Variants in DCC observed in about 807,000 individuals in gnomAD.
DCC encodes the protein netrin receptor DCC.
In DCC, 58 loss-of-function variants were observed where a neutral mutation model predicts 172.5. The ratio of observed to expected loss-of-function variants is 0.34; its 90% confidence interval spans 0.27 to 0.42. The LOEUF (loss-of-function observed/expected upper bound fraction) is 0.42, where lower values mean the gene tolerates loss of function less well. DCC is among the 10% of genes least tolerant of loss of function. DCC has a pLI of 1.00. For missense variants in DCC, 1,740 were observed against 1,791.0 expected, an observed-to-expected ratio of 0.97 and a Z score of 0.51; for synonymous variants, 709 against 644.5, an observed-to-expected ratio of 1.10 and a Z score of -1.52.
At position 53,428,116 on chromosome 18, in the gene DCC, TATATA is replaced by T. The variant is rs1398788374; in HGVS notation, c.3164-7022_3164-7018del. Among the ~76,000 whole-genome samples, 10 of 30,608 alleles carry T rather than the reference TATATA, an allele frequency of 3.3e-4. 3 individuals carry two copies. Among genetic ancestry groups the T allele is most frequent in the African/African-American group, 6.8e-4 (4 of 5,864 alleles). 20.1% of individuals were successfully genotyped at this position (30,608 alleles called of 152,430 possible). A position where few individuals can be genotyped will look rare whatever the true frequency, so the allele number is the denominator to read the frequency against. On this transcript the variant is annotated intron_variant, in intron 21 of 28. Coordinates refer to ENST00000442544, the MANE Select transcript of DCC (RefSeq NM_005215.4). ...TATAATATATAATATAATATAATAA[TATATA>T]ATATATAATATAATATAATAATATA...
At chr18:52,722,776 C>A (rs529168844) in intron 1 of DCC, among the ~76,000 whole-genome samples, 4 of 152,260 alleles carry the variant, frequency 2.6e-5, no homozygotes, top group South Asian at 4.1e-4. Flanking sequence ...CTTTCACCAC[C>A]ATTTTGAGGA....
intron 3 of DCC, 42 bp from the exon 4 acceptor site, chr18:52,923,665 T>TG: frequency 6.9e-7 from 1 of 1,444,112 alleles, no homozygotes. Flanking sequence ...ATCTTTGCAA[T>TG]GTTTTTCATA....
chr18:52,674,608 A>G (rs1182545620), intron 1 of DCC, among the ~76,000 whole-genome samples: 5 of 152,358 alleles, frequency 3.3e-5, no homozygotes, highest in African/African-American at 4.8e-5. Context: ...ATATGGAGTG[A>G]ATACCAAAAA....
intron 1 of DCC, among the ~76,000 whole-genome samples, chr18:52,751,747 G>A (rs181869062): frequency 5.5e-4 from 84 of 152,132 alleles, no homozygotes; most frequent in African/African-American, 1.9e-3. Context: ...GAAAATATTA[G>A]TTTTTTCTGT....
At chr18:52,497,363 A>T (rs1432593340) in intron 1 of DCC, among the ~76,000 whole-genome samples, 1 of 116,936 alleles carries the variant, frequency 8.6e-6, no homozygotes, top group African/African-American at 3.4e-5. Context: ...ATACACACAT[A>T]TACATATGTG....
At chr18:53,223,411 C>T (rs1176304796) in intron 12 of DCC, among the ~76,000 whole-genome samples, 1 of 152,086 alleles carries the variant, frequency 6.6e-6, no homozygotes. Context: ...TCATCACACA[C>T]ATTTCTAATG....
At chr18:52,524,575 G>A (rs1310745994) in intron 1 of DCC, among the ~76,000 whole-genome samples, 4 of 152,092 alleles carry the variant, frequency 2.6e-5, no homozygotes, top group Admixed American at 6.5e-5. Context: ...TTTGTAGAGC[G>A]GTTTTAGCTA....
intron 1 of DCC, among the ~76,000 whole-genome samples, chr18:52,492,985 T>A (rs1322551875): frequency 6.6e-6 from 1 of 152,126 alleles, no homozygotes; most frequent in Non-Finnish European, 1.5e-5. Context: ...GCTCATTTGC[T>A]GCCTATCCAG....
At chr18:53,140,764 G>A (rs556405265) in intron 7 of DCC, among the ~76,000 whole-genome samples, 1 of 152,142 alleles carries the variant, frequency 6.6e-6, no homozygotes, top group South Asian at 2.1e-4. Flanking sequence ...AATATAGGAG[G>A]TTTGAGTGAT....
In DCC at chr18:53,517,624, G is replaced by T. The variant is rs569633911; in HGVS notation, c.4112-8993G>T. On this transcript the variant is annotated intron_variant, in intron 27 of 28. Transcript: ENST00000442544. The stretch of plus-strand genomic sequence containing the variant: ...AAAGCCACGTTACTTGTGACTCAGA[G>T]TAGCCCTTTCTTACAATGGGAGGAG... 1.1e-4 allele frequency among the ~76,000 whole-genome samples: 16 copies of T among 152,152 alleles called. No homozygotes were observed. In the South Asian group the frequency reaches 1.5e-3, roughly 14 times the overall value.
chr18:53,167,218 T>C (rs780092886), intron 8 of DCC, among the ~76,000 whole-genome samples: 13 of 152,192 alleles, frequency 8.5e-5, no homozygotes, highest in Non-Finnish European at 1.3e-4. Flanking sequence ...CAAGATGATA[T>C]GTATTTACTA....
At position 53,217,181 on chromosome 18, in the gene DCC, C is replaced by A. The variant is rs536426744; in HGVS notation, c.1911+1584C>A. Among the ~76,000 whole-genome samples the A allele has an allele frequency of 2.6e-5, 4 of 151,806 alleles. No homozygotes were observed. The South Asian group carries it at 8.3e-4, about 32-fold the overall frequency. ...GTGTATAGGGCATTACTGAATGACC[C>A]TGGATGCTAACTGTATTTGAATATG... On this transcript the variant is annotated intron_variant, in intron 12 of 28. Coordinates refer to ENST00000442544, the MANE Select transcript of DCC (RefSeq NM_005215.4).
intron 12 of DCC, among the ~76,000 whole-genome samples, chr18:53,242,676 G>A (rs1369461209): frequency 7.2e-5 from 11 of 152,144 alleles, no homozygotes. Flanking sequence ...ATGACAACCT[G>A]TTGTTGGCAT....
At chr18:52,564,421 C>T (rs374673570) in intron 1 of DCC, among the ~76,000 whole-genome samples, 3 of 152,028 alleles carry the variant, frequency 2.0e-5, no homozygotes, top group Non-Finnish European at 4.4e-5. Flanking sequence ...TAATAGTCAT[C>T]GTGTTTTCCT....
At position 53,382,069 on chromosome 18, in the gene DCC, AACACACACACACACAC is replaced by A. The variant is rs61553123; in HGVS notation, c.2360-3953_2360-3938del. On this transcript the variant is annotated intron_variant, in intron 15 of 28. Transcript: ENST00000442544. Reference sequence around the variant, plus strand: ...TTTCTCTCTCTCTCTGATTAAAAACAACACACACACACACACACACACACACACACACACACCCCTA... The same window carrying A: ...TTTCTCTCTCTCTCTGATTAAAAACAACACACACACACACACACACCCCTA... Among the ~76,000 whole-genome samples the A allele has an allele frequency of 4.9e-5, 6 of 122,856 alleles. No homozygotes were observed. In the South Asian group the frequency reaches 1.0e-3, roughly 21 times the overall value. 80.6% of individuals were successfully genotyped at this position (122,856 alleles called of 152,430 possible).
At chr18:52,689,667 A>T (rs1472298639) in intron 1 of DCC, among the ~76,000 whole-genome samples, 1 of 152,152 alleles carries the variant, frequency 6.6e-6, no homozygotes, top group Non-Finnish European at 1.5e-5. Flanking sequence ...AGTAGGAAAT[A>T]GAAAATGCAA....
chr18:52,928,114 G>A (rs2040247847), intron 5 of DCC, among the ~76,000 whole-genome samples: 1 of 152,136 alleles, frequency 6.6e-6, no homozygotes, highest in Non-Finnish European at 1.5e-5. Context: ...GGCCTTTGCT[G>A]CAACATGGAT....
At chr18:52,868,039 A>G (rs576113172) in intron 2 of DCC, among the ~76,000 whole-genome samples, 40 of 107,000 alleles carry the variant, frequency 3.7e-4, no homozygotes, top group South Asian at 5.8e-4. Context: ...GTGTGTATAT[A>G]TATATATATA....
intron 21 of DCC, among the ~76,000 whole-genome samples, chr18:53,433,820 T>G (rs1020328333): frequency 1.3e-5 from 2 of 152,178 alleles, no homozygotes; most frequent in Non-Finnish European, 2.9e-5. Context: ...TCCTACTTCC[T>G]TACATACTCA....
Sources: gnomAD v4.1 joint callset for allele counts (sites outside exome capture counted in the v4.1 genomes callset) on GRCh38, gnomAD v4.1.1 for gene constraint, MANE v1.5 for transcripts, NCBI Gene and HGNC (gene_info 2026-07-23, HGNC 2026-07-21) for gene names.